LEPR: variants seen among roughly 807,000 people sequenced by gnomAD.
LEPR encodes leptin receptor.
LEPR carries 56 observed loss-of-function variants against 114.7 expected under a neutral mutation model. The observed-to-expected ratio is 0.49, with a 90% CI of 0.39 to 0.61. LEPR has a LOEUF of 0.61. Among genes scored for constraint, LEPR ranks in the 20% least tolerant of loss-of-function variants. The pLI is 0.00. For synonymous variants in LEPR, 443 were observed against 461.4 expected (o/e 0.96, Z 0.51); for missense variants, 1,202 against 1,352.9 (o/e 0.89, Z 1.75).
chr1:65,549,054 T>C (rs1398493499), intron 2 of LEPR, among the ~76,000 whole-genome samples: 1 of 151,624 alleles, frequency 6.6e-6, no homozygotes, highest in East Asian at 1.9e-4. Context: ...ATTTTATTTC[T>C]CCTTCACTTA....
intron 16 of LEPR, among the ~76,000 whole-genome samples, chr1:65,619,056 A>T (rs1231302311): frequency 2.0e-5 from 3 of 152,138 alleles, no homozygotes; most frequent in Non-Finnish European, 4.4e-5. Context: ...AGCATTTCTA[A>T]GTCTGAGTAA....
chr1:65,430,006 T>G, intron 2 of LEPR: 1 of 1,572,820 alleles, frequency 6.4e-7, no homozygotes, highest in African/African-American at 1.3e-5. Context: ...GAATTGTTGT[T>G]TCTGCCTTTG....
intron 2 of LEPR, among the ~76,000 whole-genome samples, chr1:65,539,810 C>T (rs571275930): frequency 3.7e-4 from 56 of 152,180 alleles, no homozygotes; most frequent in African/African-American, 1.2e-3. Flanking sequence ...ATGAGCTCCC[C>T]GGAGCTCAGA....
In LEPR at chr1:65,501,836, C is replaced by A. The variant is rs144749890; in HGVS notation, c.-20-63710C>A. ...ATATTCGAGATACAGTGTTCTGATGCGTCCTCCTTGAATGTGACTATATTC... is the reference window on the plus strand; with the variant it reads ...ATATTCGAGATACAGTGTTCTGATGAGTCCTCCTTGAATGTGACTATATTC... On this transcript the variant is annotated intron_variant, in intron 2 of 19. Coordinates refer to ENST00000349533, the MANE Select transcript of LEPR (RefSeq NM_002303.6). 1.1e-4 allele frequency among the ~76,000 whole-genome samples: 16 copies of A among 152,230 alleles called. No individual in the cohort carries two copies. The East Asian group carries it at 3.1e-3, about 30-fold the overall frequency.
At chr1:65,632,756 T>C (rs1331586717) in intron 19 of LEPR, among the ~76,000 whole-genome samples, 2 of 152,148 alleles carry the variant, frequency 1.3e-5, no homozygotes, top group Admixed American at 6.6e-5. Flanking sequence ...TCTTTCTCTT[T>C]ATTTTTTTTA....
rs879195353 is a variant in LEPR, at chr1:65,638,186, C to T, written c.*1171C>T. The T allele has an allele frequency of 1.3e-5, 2 of 151,756 alleles. No individual in the cohort carries two copies. Among genetic ancestry groups the T allele is most frequent in the Admixed American group, 1.3e-4 (2 of 15,226 alleles). 9.4% of individuals were successfully genotyped at this position (151,756 alleles called of 1,614,324 possible). On this transcript the variant is annotated 3_prime_UTR_variant, in exon 20 of 20. Coordinates refer to ENST00000349533, the MANE Select transcript of LEPR (RefSeq NM_002303.6). ...GCAACATAGTGAGGCCTCGTCTCTA[C>T]AAAAAACACAAAAATTAGCTGAGTG...
intron 2 of LEPR, among the ~76,000 whole-genome samples, chr1:65,525,055 C>G (rs1056435578): frequency 6.6e-6 from 1 of 152,136 alleles, no homozygotes; most frequent in African/African-American, 2.4e-5. Context: ...TAGCTCAATC[C>G]CCTCCAAACA....
intron 2 of LEPR, among the ~76,000 whole-genome samples, chr1:65,465,201 T>C (rs1646994677): frequency 6.6e-6 from 1 of 152,224 alleles, no homozygotes; most frequent in African/African-American, 2.4e-5. Flanking sequence ...TTTAAAAGTG[T>C]CCCAGAGATT....
intron 2 of LEPR, among the ~76,000 whole-genome samples, chr1:65,460,337 G>T (rs1646929145): frequency 6.6e-6 from 1 of 152,090 alleles, no homozygotes; most frequent in South Asian, 2.1e-4. Flanking sequence ...TGATTGTCAT[G>T]GCTCTGTACC....
intron 2 of LEPR, among the ~76,000 whole-genome samples, chr1:65,455,552 C>G (rs897872642): frequency 6.6e-6 from 1 of 152,200 alleles, no homozygotes; most frequent in Admixed American, 6.5e-5. Context: ...TGTGAGGTGT[C>G]AGTCTGCCCC....
chr1:65,551,490 T>C (rs1370769372), intron 2 of LEPR, among the ~76,000 whole-genome samples: 1 of 152,210 alleles, frequency 6.6e-6, no homozygotes, highest in Non-Finnish European at 1.5e-5. Context: ...TTCTAGTTTA[T>C]TTGCATAGAG....
intron 2 of LEPR, among the ~76,000 whole-genome samples, chr1:65,482,172 C>T (rs1044767537): frequency 4.6e-5 from 7 of 150,768 alleles, no homozygotes; most frequent in Non-Finnish European, 7.4e-5. Flanking sequence ...AAAATAAAGA[C>T]CTTAATGGAG....
At chr1:65,621,209 T>G (rs563613351) in intron 17 of LEPR, 144 bp from the exon 18 acceptor site, 4 of 701,372 alleles carry the variant, frequency 5.7e-6, no homozygotes, top group Admixed American at 5.4e-5. Context: ...AACATATTTT[T>G]ATCTTCATTT....
intron 2 of LEPR, among the ~76,000 whole-genome samples, chr1:65,438,411 G>A (rs770057440): frequency 3.8e-4 from 58 of 151,864 alleles, no homozygotes; most frequent in Non-Finnish European, 7.7e-4. Context: ...TTAGCAGGGC[G>A]TGGTGGCTCA....
intron 2 of LEPR, among the ~76,000 whole-genome samples, chr1:65,531,437 T>C (rs1254144077): frequency 2.6e-5 from 4 of 151,720 alleles, no homozygotes; most frequent in African/African-American, 9.7e-5. Context: ...TTCCTTTCCT[T>C]TCCTCTCTTC....
chr1:65,566,221 T>G (rs1357426034), intron 3 of LEPR, among the ~76,000 whole-genome samples: 5 of 149,314 alleles, frequency 3.3e-5, no homozygotes, highest in Middle Eastern at 3.5e-3. Context: ...TTTTTTTTTT[T>G]GAGACGCAGT....
At chr1:65,573,383 GA>G (rs1258782446) in intron 5 of LEPR, among the ~76,000 whole-genome samples, 3 of 151,880 alleles carry the variant, frequency 2.0e-5, no homozygotes, top group Non-Finnish European at 1.5e-5. Flanking sequence ...AGTGGAAAAG[GA>G]AAAAAGGTGC....
chr1:65,456,217 A>G (rs1040767278), intron 2 of LEPR, among the ~76,000 whole-genome samples: 1 of 151,982 alleles, frequency 6.6e-6, no homozygotes, highest in African/African-American at 2.4e-5. Flanking sequence ...GGTACCTCAG[A>G]TGGAAATGCA....
chr1:65,618,626 C>T (rs4655740), intron 16 of LEPR, among the ~76,000 whole-genome samples: 31,858 of 152,034 alleles, frequency 0.21, 4,504 homozygotes, highest in East Asian at 0.77. Context: ...CCACCACACC[C>T]AGCCTAATTC....
Sources: allele counts gnomAD v4.1 joint callset (sites outside exome capture counted in the v4.1 genomes callset), GRCh38; gene constraint gnomAD v4.1.1; transcripts MANE v1.5; gene names NCBI Gene and HGNC (gene_info 2026-07-23, HGNC 2026-07-21).